EXOC6B: variants seen among roughly 807,000 people sequenced by gnomAD.
EXOC6B encodes SEC15 homolog B.
EXOC6B carries 54 observed loss-of-function variants against 113.5 expected under a neutral mutation model. The ratio of observed to expected loss-of-function variants is 0.48; its 90% CI spans 0.38 to 0.60. The LOEUF (loss-of-function observed/expected upper bound fraction) is 0.60, where lower values mean the gene tolerates loss of function less well. Among genes scored for constraint, EXOC6B ranks in the 20% least tolerant of loss-of-function variants. The pLI is 0.00. For missense variants in EXOC6B, 797 were observed against 977.5 expected (o/e 0.82, Z 2.46); for synonymous variants, 357 against 339.0 (o/e 1.05, Z -0.58).
At chr2:72,193,051 C>A (rs1183370148) in intron 20 of EXOC6B, among the ~76,000 whole-genome samples, 1 of 152,156 alleles carries the variant, frequency 6.6e-6, no homozygotes, top group African/African-American at 2.4e-5. Context: ...CCACTCCCTG[C>A]CTTTGACAGG....
chr2:72,784,387 T>C (rs1268099909), intron 1 of EXOC6B, among the ~76,000 whole-genome samples: 1 of 152,248 alleles, frequency 6.6e-6, no homozygotes, highest in African/African-American at 2.4e-5. Context: ...AAAAATGACA[T>C]TGATACTTTG....
At chr2:72,504,387 A>G (rs1489672348) in intron 11 of EXOC6B, among the ~76,000 whole-genome samples, 2 of 152,198 alleles carry the variant, frequency 1.3e-5, no homozygotes, top group Non-Finnish European at 2.9e-5. Flanking sequence ...TCAACATTAT[A>G]TAAGTGGAAA....
chr2:72,298,770 C>T (rs544919310), intron 20 of EXOC6B, among the ~76,000 whole-genome samples: 9 of 152,028 alleles, frequency 5.9e-5, no homozygotes, highest in Non-Finnish European at 8.8e-5. Flanking sequence ...TATGAAATTC[C>T]GGGTTGAAAA....
In EXOC6B at chr2:72,725,131, C is replaced by T. The variant is rs568559742; in HGVS notation, c.464+5876G>A. Among the ~76,000 whole-genome samples the T allele has an allele frequency of 2.6e-4, 39 of 152,224 alleles. No individual in the cohort carries two copies. In the South Asian group the frequency reaches 3.5e-3, roughly 14 times the overall value. The stretch of plus-strand genomic sequence containing the variant: ...GTGCACATATTTACACCAAAGTGCA[C>T]AAAATCAAACTGCCTGAAAACAAAT... On this transcript the variant is annotated intron_variant, in intron 5 of 21. Transcript: ENST00000272427.
intron 5 of EXOC6B, among the ~76,000 whole-genome samples, chr2:72,719,444 G>A (rs773118114): frequency 6.6e-6 from 1 of 152,162 alleles, no homozygotes; most frequent in African/African-American, 2.4e-5. Flanking sequence ...GTTGCTAGCC[G>A]GCTGAGAGGC....
At chr2:72,486,146 G>A (rs1699410523) in intron 16 of EXOC6B, among the ~76,000 whole-genome samples, 1 of 152,022 alleles carries the variant, frequency 6.6e-6, no homozygotes, top group Admixed American at 6.6e-5. Context: ...GAGGCGGGTG[G>A]ATCACCTGAG....
intron 1 of EXOC6B, among the ~76,000 whole-genome samples, chr2:72,755,838 C>G (rs1682379302): frequency 6.6e-6 from 1 of 152,052 alleles, no homozygotes; most frequent in Admixed American, 6.6e-5. Context: ...GGGAGGGTGA[C>G]AGCAGTCCCT....
At chr2:72,713,131 T>C (rs1679376795) in intron 6 of EXOC6B, among the ~76,000 whole-genome samples, 1 of 152,186 alleles carries the variant, frequency 6.6e-6, no homozygotes, top group Admixed American at 6.5e-5. Context: ...TTGGCTGATA[T>C]ATCCCAAAAA....
intron 20 of EXOC6B, among the ~76,000 whole-genome samples, chr2:72,196,304 A>G (rs371959241): frequency 5.9e-4 from 90 of 152,338 alleles, no homozygotes; most frequent in African/African-American, 2.0e-3. Flanking sequence ...GATAGGCAGA[A>G]GAAAAAATAC....
intron 8 of EXOC6B, among the ~76,000 whole-genome samples, chr2:72,520,014 T>C (rs1701405673): frequency 1.3e-5 from 2 of 152,218 alleles, no homozygotes; most frequent in African/African-American, 4.8e-5. Flanking sequence ...AAGACTTTTC[T>C]ACTACTCAGC....
intron 6 of EXOC6B, among the ~76,000 whole-genome samples, chr2:72,660,467 T>C (rs1674928413): frequency 6.6e-6 from 1 of 152,198 alleles, no homozygotes; most frequent in Non-Finnish European, 1.5e-5. Context: ...ATTATCCTCA[T>C]TCAATGTCTC....
chr2:72,335,148 T>C, intron 19 of EXOC6B, 128 bp from the exon 20 acceptor site: 3 of 759,522 alleles, frequency 3.9e-6, no homozygotes, highest in Non-Finnish European at 6.7e-6. Flanking sequence ...GAGTCATGTC[T>C]CTCTCCCTTC....
chr2:72,531,160 C>G (rs1358469265), intron 8 of EXOC6B, among the ~76,000 whole-genome samples: 1 of 151,992 alleles, frequency 6.6e-6, no homozygotes, highest in Non-Finnish European at 1.5e-5. Context: ...TTCTTGCCTT[C>G]CTATGGGTTC....
intron 18 of EXOC6B, chr2:72,464,270 C>T (rs376857034): frequency 6.6e-5 from 10 of 152,090 alleles, no homozygotes; most frequent in East Asian, 3.8e-4. Context: ...GATTCTAAAA[C>T]GAAAGAGTAC....
chr2:72,284,062 A>T (rs1216865559), intron 20 of EXOC6B, among the ~76,000 whole-genome samples: 1 of 152,118 alleles, frequency 6.6e-6, no homozygotes, highest in African/African-American at 2.4e-5. Context: ...TTAAGGACAA[A>T]ATTATAGGAA....
chr2:72,384,090 A>G (rs1691851135), intron 18 of EXOC6B, among the ~76,000 whole-genome samples: 1 of 152,086 alleles, frequency 6.6e-6, no homozygotes, highest in Non-Finnish European at 1.5e-5. Context: ...TGTACACCAA[A>G]CCCTCATGAC....
At chr2:72,575,740 G>T (rs567123723) in intron 6 of EXOC6B, 72 bp from the exon 7 acceptor site, 1 of 1,344,654 alleles carries the variant, frequency 7.4e-7, no homozygotes, top group Admixed American at 2.9e-5. Flanking sequence ...AAGAAAAAAA[G>T]AAAAGAAACA....
At chr2:72,808,711 A>C (rs1412720396) in intron 1 of EXOC6B, among the ~76,000 whole-genome samples, 1 of 152,176 alleles carries the variant, frequency 6.6e-6, no homozygotes, top group African/African-American at 2.4e-5. Flanking sequence ...GGAACCCAGG[A>C]GATCAGGGCA....
intron 20 of EXOC6B, among the ~76,000 whole-genome samples, chr2:72,264,425 G>C (rs976399569): frequency 2.6e-5 from 4 of 152,054 alleles, no homozygotes; most frequent in African/African-American, 9.7e-5. Flanking sequence ...CAAAAAATTA[G>C]CCAGGCGTGA....
Sources: gnomAD v4.1 joint callset for allele counts (sites outside exome capture counted in the v4.1 genomes callset) on GRCh38, gnomAD v4.1.1 for gene constraint, MANE v1.5 for transcripts, NCBI Gene and HGNC (gene_info 2026-07-23, HGNC 2026-07-21) for gene names.